SLC41A2: variants seen among roughly 807,000 people sequenced by gnomAD.
SLC41A2 encodes the protein SLC41A1-like 1.
SLC41A2 carries 32 observed loss-of-function variants against 58.3 expected under a neutral mutation model. The ratio of observed to expected loss-of-function variants is 0.55; its 90% CI spans 0.41 to 0.74. The LOEUF (loss-of-function observed/expected upper bound fraction) is 0.74. Among genes scored for constraint, SLC41A2 ranks in the 30% least tolerant of loss-of-function variants. The pLI, the probability that SLC41A2 is intolerant of heterozygous loss-of-function variation, is 0.00. For missense variants in SLC41A2, 514 were observed against 680.6 expected (o/e 0.76, Z 2.72); for synonymous variants, 190 against 235.0 (o/e 0.81, Z 1.75).
At chr12:104,931,599 A>C (rs940359660) in intron 1 of SLC41A2, 1 of 152,240 alleles carries the variant, frequency 6.6e-6, no homozygotes, top group African/African-American at 2.4e-5. Context: ...CTATGGAGGA[A>C]ACAGTTGATT....
At chr12:104,861,428 A>G (rs1485520184) in intron 7 of SLC41A2, 58 bp from the exon 8 acceptor site, 4 of 1,159,746 alleles carry the variant, frequency 3.4e-6, no homozygotes, top group Non-Finnish European at 3.8e-6. Context: ...ACTTGAAGTT[A>G]TTCTGTACAT....
At chr12:104,945,824 A>T (rs1042511427) in intron 1 of SLC41A2, among the ~76,000 whole-genome samples, 1 of 152,198 alleles carries the variant, frequency 6.6e-6, no homozygotes, top group African/African-American at 2.4e-5. Flanking sequence ...TTTCATAGCC[A>T]TAATTCACTT....
At chr12:104,881,886 C>T (rs1283074284) in intron 6 of SLC41A2, among the ~76,000 whole-genome samples, 3 of 152,112 alleles carry the variant, frequency 2.0e-5, no homozygotes, top group East Asian at 1.9e-4. Flanking sequence ...CTTTCTGTCT[C>T]GTTGATCTGT....
intron 1 of SLC41A2, among the ~76,000 whole-genome samples, chr12:104,944,869 G>GCAA (rs2047651189): frequency 7.6e-6 from 1 of 132,368 alleles, no homozygotes; most frequent in Non-Finnish European, 1.6e-5. Context: ...TGTATTCAAT[G>GCAA]TAAAAAAAAA....
intron 6 of SLC41A2, among the ~76,000 whole-genome samples, chr12:104,868,594 A>G (rs1031521214): frequency 6.6e-6 from 1 of 152,196 alleles, no homozygotes; most frequent in Non-Finnish European, 1.5e-5. Context: ...TCCTTCATGT[A>G]CACCCAACAG....
At chr12:104,936,767 G>C (rs2264883) in intron 1 of SLC41A2, among the ~76,000 whole-genome samples, 72,122 of 151,954 alleles carry the variant, frequency 0.47, 17,533 homozygotes, top group Middle Eastern at 0.54. Context: ...AACTATATCA[G>C]TGTGTGTCTT....
At chr12:104,949,247 T>A (rs549571160) in intron 1 of SLC41A2, among the ~76,000 whole-genome samples, 2 of 152,086 alleles carry the variant, frequency 1.3e-5, no homozygotes, top group Non-Finnish European at 2.9e-5. Context: ...GTAAAATAAA[T>A]GAACAAATAT....
intron 10 of SLC41A2, among the ~76,000 whole-genome samples, chr12:104,807,825 C>A (rs1372007935): frequency 6.6e-6 from 1 of 152,136 alleles, no homozygotes; most frequent in Non-Finnish European, 1.5e-5. Flanking sequence ...CTCTTTGAAG[C>A]AATTGTGAAT....
intron 10 of SLC41A2, among the ~76,000 whole-genome samples, chr12:104,819,276 G>A (rs924673894): frequency 2.0e-5 from 3 of 152,098 alleles, no homozygotes; most frequent in African/African-American, 4.8e-5. Flanking sequence ...ATTAAATCAT[G>A]TGTCAAAGGG....
intron 10 of SLC41A2, among the ~76,000 whole-genome samples, chr12:104,811,868 C>A (rs952988946): frequency 2.6e-5 from 4 of 152,238 alleles, no homozygotes; most frequent in African/African-American, 9.6e-5. Context: ...AGGCTGAAAG[C>A]AAGGCTAAGG....
At chr12:104,928,820 CTA>C in intron 1 of SLC41A2, 126 bp from the exon 2 acceptor site, 1 of 216,268 alleles carries the variant, frequency 4.6e-6, no homozygotes, top group African/African-American at 2.3e-5. Context: ...GGTACTGATA[CTA>C]TACTTTGTGG....
rs924642129 is a variant in SLC41A2 at position 104,867,255 on chromosome 12, A to G, written c.1028-676T>C. Among the ~76,000 whole-genome samples the G allele has an allele frequency of 1.5e-4, 23 of 152,248 alleles. 1 individual carries two copies. Among genetic ancestry groups the G allele is most frequent in the Admixed American group, 1.5e-3 (23 of 15,302 alleles). ...AAATCTCCCTAGGGTTAAAAGTTGC[A>G]TATCCCTTACTGAAAGTCTTATCAT... On this transcript the variant is annotated intron_variant, in intron 6 of 10. Coordinates refer to ENST00000258538, the MANE Select transcript of SLC41A2 (RefSeq NM_001352171.3).
At chr12:104,908,470 G>T (rs2045944971) in intron 3 of SLC41A2, among the ~76,000 whole-genome samples, 1 of 152,096 alleles carries the variant, frequency 6.6e-6, no homozygotes, top group African/African-American at 2.4e-5. Flanking sequence ...ATTACCTTTA[G>T]ATACATAAAT....
chr12:104,952,675 C>A (rs183140049), intron 1 of SLC41A2, among the ~76,000 whole-genome samples: 2 of 152,112 alleles, frequency 1.3e-5, no homozygotes, highest in African/African-American at 4.8e-5. Context: ...GAGTGGCACA[C>A]CCTCATTTTC....
In SLC41A2 at chr12:104,805,067, C is replaced by CTGAT; in HGVS notation, c.*81_*84dup. The CTGAT allele has an allele frequency of 8.3e-7, 1 of 1,198,302 alleles. No individual in the cohort carries two copies. The highest frequency in any genetic ancestry group is 1.9e-5 in the South Asian group (1 of 52,878). 74.2% of individuals were successfully genotyped at this position (1,198,302 alleles called of 1,614,324 possible). A position where few individuals can be genotyped will look rare whatever the true frequency, so the allele number is the denominator to read the frequency against. ...GATTACCCTGGCAAAAGTCAAACTACTGATTTAAGAGTTTTGAAAAAGAGC... is the reference window on the plus strand; with the variant it reads ...GATTACCCTGGCAAAAGTCAAACTACTGATTGATTTAAGAGTTTTGAAAAAGAGC... On this transcript the variant is annotated 3_prime_UTR_variant, in exon 11 of 11. Coordinates refer to ENST00000258538, the MANE Select transcript of SLC41A2 (RefSeq NM_001352171.3).
intron 1 of SLC41A2, among the ~76,000 whole-genome samples, chr12:104,933,867 T>C (rs1461341746): frequency 6.6e-6 from 1 of 151,988 alleles, no homozygotes; most frequent in East Asian, 1.9e-4. Flanking sequence ...GGAGCTAAGT[T>C]ATGGGTATGC....
At chr12:104,862,441 C>T (rs939342424) in intron 7 of SLC41A2, among the ~76,000 whole-genome samples, 1 of 151,962 alleles carries the variant, frequency 6.6e-6, no homozygotes, top group Non-Finnish European at 1.5e-5. Flanking sequence ...AATAAACCTC[C>T]CTGACAAAAT....
intron 6 of SLC41A2, among the ~76,000 whole-genome samples, chr12:104,867,636 C>T (rs1041186880): frequency 5.9e-5 from 9 of 151,298 alleles, no homozygotes; most frequent in Non-Finnish European, 1.3e-4. Context: ...TTTTCCATAT[C>T]ATGTAGGAAT....
rs567083999 is a variant in SLC41A2, at chr12:104,882,210, T to C, written c.1027+4083A>G. ...TCCCTTTATTTTGAGCCTATGCATG[T>C]CTCTGCACATAAGATGGGTCTCCTG... is the stretch of plus-strand genomic sequence containing the variant. On this transcript the variant is annotated intron_variant, in intron 6 of 10. Transcript: ENST00000258538. 2.4e-4 allele frequency among the ~76,000 whole-genome samples: 37 copies of C among 152,298 alleles called. 1 individual carries two copies. The highest frequency in any genetic ancestry group is 2.2e-3 in the Admixed American group (34 of 15,294).
Sources: gnomAD v4.1 joint callset for allele counts (sites outside exome capture counted in the v4.1 genomes callset) on GRCh38, gnomAD v4.1.1 for gene constraint, MANE v1.5 for transcripts, NCBI Gene and HGNC (gene_info 2026-07-23, HGNC 2026-07-21) for gene names.